The following CDH20 variants were observed in gnomAD, a reference collection of about 807,000 sequenced individuals.
CDH20 encodes the protein cadherin-20.
In CDH20, 29 loss-of-function variants were observed where a neutral mutation model predicts 74.2. The observed-to-expected ratio is 0.39, with a 90% CI of 0.29 to 0.53. CDH20 has a LOEUF of 0.53. CDH20 is among the 20% of genes least tolerant of loss of function. The pLI, the probability that CDH20 is intolerant of heterozygous loss-of-function variation, is 0.69. For missense variants in CDH20, 988 were observed against 1,048.3 expected, an observed-to-expected ratio of 0.94 and a Z score of 0.79; for synonymous variants, 469 against 405.4, an observed-to-expected ratio of 1.16 and a Z score of -1.88.
At chr18:61,500,102 T>TAAAAAAAAAAAAAAAAAA (rs534695760) in intron 3 of CDH20, among the ~76,000 whole-genome samples, 1 of 56,576 alleles carries the variant, frequency 1.8e-5, no homozygotes, top group Non-Finnish European at 3.7e-5. Context: ...GACTCCATCT[T>TAAAAAAAAAAAAAAAAAA]AAAAAAAAAA....
At chr18:61,405,454 T>A (rs1912300624) in intron 1 of CDH20, among the ~76,000 whole-genome samples, 2 of 151,978 alleles carry the variant, frequency 1.3e-5, no homozygotes, top group Non-Finnish European at 2.9e-5. Context: ...ACCCTAAAAA[T>A]TAGCTGGGGT....
At chr18:61,370,750 A>G (rs917884731) in intron 1 of CDH20, among the ~76,000 whole-genome samples, 4 of 152,158 alleles carry the variant, frequency 2.6e-5, no homozygotes, top group African/African-American at 7.2e-5. Flanking sequence ...TTCATTTTGC[A>G]TAACTGAGAC....
In CDH20 at chr18:61,353,438, A is replaced by C. The variant is rs903106772; in HGVS notation, c.-153+19611A>C. ...ACTTCTTCTTCCCCTAGATTCTCAT[A>C]AAATGGACTTCATATTGCAATACCA... is the stretch of plus-strand genomic sequence containing the variant. On this transcript the variant is annotated intron_variant, in intron 1 of 11. Coordinates refer to ENST00000262717, the MANE Select transcript of CDH20 (RefSeq NM_031891.4). This position sits in a 1 kb window ranked among gnomAD's most constrained non-coding sequence, Gnocchi z 4.6. 4.6e-5 allele frequency among the ~76,000 whole-genome samples: 7 copies of C among 152,200 alleles called. No homozygotes were observed. The highest frequency in any genetic ancestry group is 1.7e-4 in the African/African-American group (7 of 41,438).
At chr18:61,476,337 C>T (rs72993711) in intron 1 of CDH20, among the ~76,000 whole-genome samples, 18,512 of 152,038 alleles carry the variant, frequency 0.12, 1,368 homozygotes, top group Middle Eastern at 0.21. Flanking sequence ...CAAAGATGCC[C>T]GGCAGCCCCC....
chr18:61,527,278 C>A (rs998036258), intron 6 of CDH20, among the ~76,000 whole-genome samples: 7 of 151,570 alleles, frequency 4.6e-5, no homozygotes, highest in Admixed American at 6.6e-5. Flanking sequence ...GGCACAGTTT[C>A]TTGAAAAGAA....
chr18:61,468,689 AC>A (rs1330190133), intron 1 of CDH20, among the ~76,000 whole-genome samples: 1 of 152,158 alleles, frequency 6.6e-6, no homozygotes, highest in Non-Finnish European at 1.5e-5. Flanking sequence ...AACTCGCCTT[AC>A]TGTAAGCATC....
intron 1 of CDH20, among the ~76,000 whole-genome samples, chr18:61,338,731 A>G (rs562332828): frequency 3.9e-5 from 6 of 152,334 alleles, no homozygotes; most frequent in African/African-American, 1.2e-4. Context: ...AAACATGCAC[A>G]GCATAGCCTG....
chr18:61,549,597 A>C (rs1044828115), intron 10 of CDH20, among the ~76,000 whole-genome samples: 1 of 152,202 alleles, frequency 6.6e-6, no homozygotes, highest in Non-Finnish European at 1.5e-5. Context: ...GGGCCTTGGC[A>C]AGCTGCTGAG....
intron 1 of CDH20, among the ~76,000 whole-genome samples, chr18:61,452,196 C>T (rs910055480): frequency 5.9e-5 from 9 of 151,974 alleles, no homozygotes; most frequent in African/African-American, 1.7e-4. Context: ...CATCTATGTC[C>T]GATTCATTTC....
chr18:61,437,072 C>G (rs1908863213), intron 1 of CDH20, among the ~76,000 whole-genome samples: 1 of 152,144 alleles, frequency 6.6e-6, no homozygotes, highest in African/African-American at 2.4e-5. Context: ...AATGAATGTA[C>G]TTAGCACAGT....
chr18:61,544,456 T>A (rs1052251127), intron 9 of CDH20, among the ~76,000 whole-genome samples: 3 of 152,262 alleles, frequency 2.0e-5, no homozygotes, highest in Non-Finnish European at 4.4e-5. Flanking sequence ...ACACATGGGC[T>A]GGAAGGCTGA....
chr18:61,427,459 T>C (rs1913109538), intron 1 of CDH20, among the ~76,000 whole-genome samples: 1 of 152,138 alleles, frequency 6.6e-6, no homozygotes, highest in Non-Finnish European at 1.5e-5. Context: ...CCTATGTGCT[T>C]AACCATTATG....
intron 1 of CDH20, among the ~76,000 whole-genome samples, chr18:61,360,246 C>T (rs1910644810): frequency 6.6e-6 from 1 of 152,058 alleles, no homozygotes; most frequent in South Asian, 2.1e-4. Context: ...AGAAAAAGTC[C>T]CCAAAACTAC....
intron 1 of CDH20, among the ~76,000 whole-genome samples, chr18:61,457,993 T>C (rs1909634390): frequency 6.6e-6 from 1 of 152,180 alleles, no homozygotes; most frequent in Admixed American, 6.5e-5. Context: ...TCAAACACTC[T>C]TAAATAAGAC....
At chr18:61,439,381 T>C (rs1568139660) in intron 1 of CDH20, among the ~76,000 whole-genome samples, 1 of 152,096 alleles carries the variant, frequency 6.6e-6, no homozygotes, top group African/African-American at 2.4e-5. Context: ...AAATAATAAA[T>C]GGACACTGTT....
rs964135826 is a variant in CDH20, at chr18:61,401,150, C to T, written c.-153+67323C>T. ...AATGAGAAGAGGCACTAATCATTCTCGTACTTATTTTACCCATGTTCAAAC... is the reference window on the plus strand; with the variant it reads ...AATGAGAAGAGGCACTAATCATTCTTGTACTTATTTTACCCATGTTCAAAC... On this transcript the variant is annotated intron_variant, in intron 1 of 11. Coordinates refer to ENST00000262717, the MANE Select transcript of CDH20 (RefSeq NM_031891.4). Among the ~76,000 whole-genome samples, 7 of 152,228 alleles carry T rather than the reference C, an allele frequency of 4.6e-5. 1 individual carries two copies. The highest frequency in any genetic ancestry group is 4.1e-4 in the South Asian group (2 of 4,836).
chr18:61,350,908 C>A (rs1364220771), intron 1 of CDH20, among the ~76,000 whole-genome samples: 2 of 152,114 alleles, frequency 1.3e-5, no homozygotes, highest in Non-Finnish European at 2.9e-5. Context: ...AGAACCCTGC[C>A]TCAACCTAAC....
At chr18:61,433,998 T>G (rs1908743873) in intron 1 of CDH20, among the ~76,000 whole-genome samples, 1 of 152,134 alleles carries the variant, frequency 6.6e-6, no homozygotes, top group Non-Finnish European at 1.5e-5. Flanking sequence ...AAGAAAGGTC[T>G]GGGATGGCTG....
At chr18:61,535,804 A>G (rs1912800345) in intron 7 of CDH20, among the ~76,000 whole-genome samples, 1 of 152,230 alleles carries the variant, frequency 6.6e-6, no homozygotes, top group Non-Finnish European at 1.5e-5. Flanking sequence ...TGCTTGTTAT[A>G]CATCATTAAT....
Sources: allele counts gnomAD v4.1 joint callset (sites outside exome capture counted in the v4.1 genomes callset), GRCh38; gene constraint gnomAD v4.1.1; non-coding constraint Gnocchi (gnomAD v3.1); transcripts MANE v1.5; gene names NCBI Gene and HGNC (gene_info 2026-07-23, HGNC 2026-07-21).